Variants in RBMS3 observed in about 807,000 individuals in gnomAD.
RBMS3 encodes the protein RNA binding motif single stranded interacting protein 3, also known as RNA-binding motif, single-stranded-interacting protein 3.
RBMS3 carries 27 observed loss-of-function variants against 66.8 expected under a neutral mutation model. The ratio of observed to expected loss-of-function variants is 0.40; its 90% CI spans 0.30 to 0.56. RBMS3 has a LOEUF of 0.56. RBMS3 is among the 20% of genes least tolerant of loss of function. RBMS3 has a pLI of 0.40. For missense variants in RBMS3, 513 were observed against 549.5 expected, an observed-to-expected ratio of 0.93 and a Z score of 0.66; for synonymous variants, 188 against 183.0, an observed-to-expected ratio of 1.03 and a Z score of -0.22.
At chr3:29,832,920 G>A (rs1400196587) in intron 6 of RBMS3, among the ~76,000 whole-genome samples, 2 of 152,152 alleles carry the variant, frequency 1.3e-5, no homozygotes, top group African/African-American at 4.8e-5. Flanking sequence ...GCAAGAGCAA[G>A]TGTCTCACTC....
chr3:29,672,948 A>G (rs2051071572), intron 4 of RBMS3, among the ~76,000 whole-genome samples: 1 of 152,074 alleles, frequency 6.6e-6, no homozygotes, highest in Non-Finnish European at 1.5e-5. Context: ...CATCTACAGA[A>G]CTCTCCACCC....
intron 6 of RBMS3, among the ~76,000 whole-genome samples, chr3:29,847,652 T>A (rs28417487): frequency 0.048 from 7,280 of 152,086 alleles, 547 homozygotes; most frequent in African/African-American, 0.17. Context: ...TTTATTTTTT[T>A]TTTTTTATTT....
chr3:29,818,557 A>T (rs1442414393), intron 6 of RBMS3, among the ~76,000 whole-genome samples: 5 of 152,102 alleles, frequency 3.3e-5, no homozygotes, highest in African/African-American at 1.2e-4. Context: ...TTAAACACAA[A>T]TGTTGTGAAA....
At chr3:29,408,513 C>A (rs1039754221) in intron 1 of RBMS3, among the ~76,000 whole-genome samples, 8 of 151,942 alleles carry the variant, frequency 5.3e-5, no homozygotes, top group African/African-American at 1.9e-4. Context: ...ATGACCTATT[C>A]TTTGTACTTA....
intron 3 of RBMS3, among the ~76,000 whole-genome samples, chr3:29,559,399 T>G (rs549992794): frequency 7.1e-4 from 108 of 151,406 alleles, no homozygotes; most frequent in African/African-American, 2.3e-3. Context: ...TAATCCCAGC[T>G]ACTCAGGAGG....
intron 1 of RBMS3, among the ~76,000 whole-genome samples, chr3:29,389,252 T>C (rs13086016): frequency 0.28 from 43,092 of 151,966 alleles, 6,966 homozygotes; most frequent in Admixed American, 0.44. Context: ...TTTTATTTTC[T>C]CTGTTAACAC....
At chr3:29,640,284 A>ACACC (rs1553635420) in intron 4 of RBMS3, among the ~76,000 whole-genome samples, 4 of 138,082 alleles carry the variant, frequency 2.9e-5, no homozygotes, top group African/African-American at 5.3e-5. Context: ...ACACACACAC[A>ACACC]CCCACACACA....
At chr3:29,982,054 T>G (rs1193708040) in intron 12 of RBMS3, among the ~76,000 whole-genome samples, 1 of 152,196 alleles carries the variant, frequency 6.6e-6, no homozygotes, top group East Asian at 1.9e-4. Flanking sequence ...CATCTGCTCC[T>G]GGGCTTTTTT....
At chr3:29,580,854 G>A (rs1246511009) in intron 3 of RBMS3, among the ~76,000 whole-genome samples, 2 of 152,096 alleles carry the variant, frequency 1.3e-5, no homozygotes, top group African/African-American at 4.8e-5. Flanking sequence ...GGACTCCAGT[G>A]GAGCAACCTG....
At chr3:29,846,823 A>G (rs2058791602) in intron 6 of RBMS3, among the ~76,000 whole-genome samples, 2 of 151,972 alleles carry the variant, frequency 1.3e-5, no homozygotes, top group Non-Finnish European at 2.9e-5. Flanking sequence ...TTGATTAGCC[A>G]AGAACAAAGA....
intron 1 of RBMS3, among the ~76,000 whole-genome samples, chr3:29,337,840 G>T (rs1445581251): frequency 6.6e-6 from 1 of 152,098 alleles, no homozygotes; most frequent in Non-Finnish European, 1.5e-5. Flanking sequence ...ACAGTTAGGG[G>T]ACATGTTTGA....
chr3:29,690,890 A>T (rs1474255140), intron 4 of RBMS3, among the ~76,000 whole-genome samples: 1 of 152,240 alleles, frequency 6.6e-6, no homozygotes, highest in Non-Finnish European at 1.5e-5. Flanking sequence ...AGTTTAACTC[A>T]TGGAACTGAA....
chr3:29,582,291 C>T (rs940593847), intron 3 of RBMS3, among the ~76,000 whole-genome samples: 1 of 152,128 alleles, frequency 6.6e-6, no homozygotes, highest in Non-Finnish European at 1.5e-5. Context: ...GGGTTTAAAA[C>T]ATTTCAGGAA....
intron 1 of RBMS3, among the ~76,000 whole-genome samples, chr3:29,366,888 AAGTC>A (rs1219607540): frequency 2.0e-5 from 3 of 152,206 alleles, no homozygotes; most frequent in Non-Finnish European, 4.4e-5. Flanking sequence ...ATGAAAATAA[AAGTC>A]AGTCTCTAAT....
intron 10 of RBMS3, among the ~76,000 whole-genome samples, chr3:29,920,351 A>G (rs2060739095): frequency 6.6e-6 from 1 of 152,234 alleles, no homozygotes; most frequent in African/African-American, 2.4e-5. Context: ...AGTAAATTGG[A>G]AAGTATGATT....
At chr3:29,291,542 T>C (rs578090098) in intron 1 of RBMS3, among the ~76,000 whole-genome samples, 3 of 151,942 alleles carry the variant, frequency 2.0e-5, no homozygotes, top group African/African-American at 7.2e-5. Flanking sequence ...AGCTTAAATG[T>C]AACAGGTGTT....
intron 1 of RBMS3, among the ~76,000 whole-genome samples, chr3:29,349,279 C>A (rs2036764945): frequency 6.6e-6 from 1 of 152,190 alleles, no homozygotes. Context: ...AAAAAAGCTA[C>A]AGTCGTACTC....
At chr3:29,947,207 G>T (rs2149709235) in intron 12 of RBMS3, among the ~76,000 whole-genome samples, 1 of 151,670 alleles carries the variant, frequency 6.6e-6, no homozygotes, top group East Asian at 2.0e-4. Flanking sequence ...TTTGAATCAT[G>T]GGAGCAGGTG....
rs1491567884 is a variant in RBMS3, at chr3:29,527,181, T to TTAAAAAAAAAAAA, written c.307+38682_307+38683insTAAAAAAAAAAAA. Among the ~76,000 whole-genome samples, 138 of 87,818 alleles carry TTAAAAAAAAAAAA rather than the reference T, an allele frequency of 1.6e-3. 20 individuals are homozygous for TTAAAAAAAAAAAA. The highest frequency in any genetic ancestry group is 5.6e-3 in the African/African-American group (117 of 21,072). The allele number at this position is 87,818 out of a possible 152,430, so 57.6% of individuals were successfully genotyped here. ...TTTCAGACGTGATTGTTAGGTAGAG[T>TTAAAAAAAAAAAA]AAAAAAAAAAAAAAAAAAAAAAAAA... is the stretch of plus-strand genomic sequence containing the variant. On this transcript the variant is annotated intron_variant, in intron 3 of 14. Coordinates refer to ENST00000383767, the MANE Select transcript of RBMS3 (RefSeq NM_001003793.3).
Sources: gnomAD v4.1 joint callset for allele counts (sites outside exome capture counted in the v4.1 genomes callset) on GRCh38, gnomAD v4.1.1 for gene constraint, MANE v1.5 for transcripts, NCBI Gene and HGNC (gene_info 2026-07-23, HGNC 2026-07-21) for gene names.